The following CDH4 variants were observed in gnomAD, a reference collection of about 807,000 sequenced individuals.
CDH4 encodes cadherin 4, also known as cadherin-4.
Under a neutral mutation model 86.0 loss-of-function variants are expected in CDH4, and 33 were observed. The ratio of observed to expected loss-of-function variants is 0.38; its 90% confidence interval spans 0.29 to 0.51. The LOEUF (loss-of-function observed/expected upper bound fraction) is 0.51. CDH4 is among the 20% of genes least tolerant of loss of function. The probability of loss-of-function intolerance (pLI) is 0.86; values close to 1 mark genes in which losing one functional copy is unlikely to be tolerated. For synonymous variants in CDH4, 555 were observed against 549.4 expected (o/e 1.01, Z -0.14); for missense variants, 1,114 against 1,307.4 (o/e 0.85, Z 2.28).
intron 2 of CDH4, among the ~76,000 whole-genome samples, chr20:61,693,884 C>CTTTTTTTTTTT (rs11479778): frequency 1.2e-5 from 1 of 82,704 alleles, no homozygotes. Flanking sequence ...CTCTTTCTTT[C>CTTTTTTTTTTT]TTTTTTTTTT....
At chr20:61,398,545 C>T (rs555688601) in intron 2 of CDH4, among the ~76,000 whole-genome samples, 4 of 152,168 alleles carry the variant, frequency 2.6e-5, no homozygotes, top group East Asian at 1.9e-4. Context: ...TGTGGCCCTT[C>T]GAGTCCCAGG....
chr20:61,703,151 G>A lies in CDH4; in HGVS notation c.170-40412G>A, dbSNP rs1313525909. On this transcript the variant is annotated intron_variant, in intron 2 of 15. Transcript: ENST00000614565. The surrounding 1 kb of genome is among the most constrained non-coding windows in gnomAD (Gnocchi z 4.3). ...ATGTTAGAAATGCGGCAGAGACCAA[G>A]CTGTGATCAGAAGTGGGGGCTCTTG... is the stretch of plus-strand genomic sequence containing the variant. Among the ~76,000 whole-genome samples, 1 of 152,212 alleles carries A rather than the reference G, an allele frequency of 6.6e-6. No homozygotes were observed. Among genetic ancestry groups the A allele is most frequent in the African/African-American group, 2.4e-5 (1 of 41,446 alleles).
At chr20:61,560,574 C>A (rs770734489) in intron 2 of CDH4, among the ~76,000 whole-genome samples, 1 of 152,206 alleles carries the variant, frequency 6.6e-6, no homozygotes, top group South Asian at 2.1e-4. Flanking sequence ...GGGTTACTTA[C>A]CCCGCCCTGC....
chr20:61,360,875 A>G (rs990238422), intron 2 of CDH4, among the ~76,000 whole-genome samples: 1 of 152,232 alleles, frequency 6.6e-6, no homozygotes, highest in African/African-American at 2.4e-5. Context: ...AACCCCATCC[A>G]TCAAACAAAA....
intron 8 of CDH4, among the ~76,000 whole-genome samples, chr20:61,906,563 G>A (rs1211591111): frequency 1.3e-5 from 2 of 152,250 alleles, no homozygotes; most frequent in Admixed American, 1.3e-4. Flanking sequence ...AGCGCCCTAA[G>A]ATTCAGGCAG....
At chr20:61,898,843 G>T (rs576718223) in intron 8 of CDH4, among the ~76,000 whole-genome samples, 2 of 152,196 alleles carry the variant, frequency 1.3e-5, no homozygotes, top group Admixed American at 6.5e-5. Context: ...GCCATGGGTG[G>T]TGCCCAGACC....
chr20:61,532,156 C>T (rs967148022), intron 2 of CDH4, among the ~76,000 whole-genome samples: 1 of 152,218 alleles, frequency 6.6e-6, no homozygotes, highest in African/African-American at 2.4e-5. Context: ...ACACTGATGA[C>T]ACCATCCCCA....
At chr20:61,672,745 G>T (rs1009095196) in intron 2 of CDH4, among the ~76,000 whole-genome samples, 1 of 152,146 alleles carries the variant, frequency 6.6e-6, no homozygotes, top group Admixed American at 6.5e-5. Flanking sequence ...TTCACTGGGA[G>T]GGGTGGGAGA....
At chr20:61,444,226 CTCTT>C (rs1232701649) in intron 2 of CDH4, among the ~76,000 whole-genome samples, 1 of 8,210 alleles carries the variant, frequency 1.2e-4, no homozygotes, top group Non-Finnish European at 3.3e-4. Context: ...GGCTGTGTCT[CTCTT>C]TGTGTATTTT....
At chr20:61,668,290 T>C (rs1221930032) in intron 2 of CDH4, among the ~76,000 whole-genome samples, 4 of 152,204 alleles carry the variant, frequency 2.6e-5, no homozygotes, top group African/African-American at 7.2e-5. Context: ...TATCCCTCTA[T>C]TGACAGACAG....
chr20:61,416,025 T>C (rs6061855), intron 2 of CDH4, among the ~76,000 whole-genome samples: 1,398 of 107,268 alleles, frequency 0.013, 22 homozygotes, highest in African/African-American at 0.05. Context: ...TTTTTTTTTT[T>C]CCCCGAAACA....
chr20:61,581,897 G>A (rs904148730), intron 2 of CDH4, among the ~76,000 whole-genome samples: 10 of 152,132 alleles, frequency 6.6e-5, no homozygotes, highest in African/African-American at 1.9e-4. Flanking sequence ...AGCTCCCGCC[G>A]TCTCCCCAGC....
intron 2 of CDH4, among the ~76,000 whole-genome samples, chr20:61,495,461 C>T (rs1370564849): frequency 1.3e-5 from 2 of 152,176 alleles, no homozygotes; most frequent in African/African-American, 4.8e-5. Context: ...AGCAGCTGTG[C>T]TGCAGGGCAG....
chr20:61,497,361 G>A (rs2085670221), intron 2 of CDH4, among the ~76,000 whole-genome samples: 1 of 152,038 alleles, frequency 6.6e-6, no homozygotes, highest in Admixed American at 6.6e-5. Context: ...TTTAGCTATA[G>A]GATTTTTAGC....
chr20:61,338,185 G>A (rs1048171498), intron 2 of CDH4, among the ~76,000 whole-genome samples: 1 of 152,068 alleles, frequency 6.6e-6, no homozygotes, highest in Non-Finnish European at 1.5e-5. Context: ...ACAATGCATA[G>A]CTTCATTGTT....
At chr20:61,308,257 G>A (rs2084427920) in intron 2 of CDH4, among the ~76,000 whole-genome samples, 2 of 152,198 alleles carry the variant, frequency 1.3e-5, no homozygotes, top group South Asian at 4.1e-4. Flanking sequence ...ATTTTCAAGG[G>A]TTCTGCAGAT....
intron 8 of CDH4, among the ~76,000 whole-genome samples, chr20:61,899,035 G>A (rs1985260564): frequency 1.3e-5 from 2 of 152,140 alleles, no homozygotes; most frequent in South Asian, 2.1e-4. Flanking sequence ...AGTGGCCCAA[G>A]CCTGTAATCC....
At chr20:61,270,177 C>T (rs1381163200) in intron 2 of CDH4, among the ~76,000 whole-genome samples, 2 of 152,206 alleles carry the variant, frequency 1.3e-5, no homozygotes, top group African/African-American at 2.4e-5. Flanking sequence ...AGAGAGGCGG[C>T]AGTGAACGTA....
chr20:61,338,602 A>T (rs536787881), intron 2 of CDH4, among the ~76,000 whole-genome samples: 1 of 152,160 alleles, frequency 6.6e-6, no homozygotes, highest in African/African-American at 2.4e-5. Context: ...TAATTTGTTC[A>T]TGGAGTCTTC....
Sources: allele counts gnomAD v4.1 joint callset (sites outside exome capture counted in the v4.1 genomes callset), GRCh38; gene constraint gnomAD v4.1.1; non-coding constraint Gnocchi (gnomAD v3.1); transcripts MANE v1.5; gene names NCBI Gene and HGNC (gene_info 2026-07-23, HGNC 2026-07-21).